GPBP1: variants seen among roughly 807,000 people sequenced by gnomAD.
The protein encoded by GPBP1 is vasculin.
GPBP1 carries 13 observed loss-of-function variants against 56.5 expected under a neutral mutation model. The ratio of observed to expected loss-of-function variants is 0.23; its 90% CI spans 0.15 to 0.37. The LOEUF (loss-of-function observed/expected upper bound fraction) is 0.37, where lower values mean the gene tolerates loss of function less well. Among genes scored for constraint, GPBP1 ranks in the 10% least tolerant of loss-of-function variants. GPBP1 has a pLI of 1.00. For missense variants in GPBP1, 477 were observed against 572.3 expected (o/e 0.83, Z 1.70); for synonymous variants, 204 against 188.9 (o/e 1.08, Z -0.66).
intron 10 of GPBP1, among the ~76,000 whole-genome samples, chr5:57,252,414 A>G (rs1263803345): frequency 6.6e-6 from 1 of 152,004 alleles, no homozygotes; most frequent in South Asian, 2.1e-4. Flanking sequence ...TTTTCGAGAC[A>G]GTGTCTCACT....
intron 6 of GPBP1, among the ~76,000 whole-genome samples, chr5:57,241,289 G>A (rs540438689): frequency 6.6e-6 from 1 of 152,348 alleles, no homozygotes; most frequent in South Asian, 2.1e-4. Context: ...ATATGTGGCA[G>A]TATTTTTGTT....
chr5:57,225,081 T>C (rs1434107604), intron 3 of GPBP1, among the ~76,000 whole-genome samples: 1 of 152,122 alleles, frequency 6.6e-6, no homozygotes, highest in Non-Finnish European at 1.5e-5. Context: ...AAGTCACAGC[T>C]CTTGTACTTT....
rs1741987297 is a variant in GPBP1, at chr5:57,263,296, A to G, written c.*544A>G. 1 of 152,316 alleles carries G rather than the reference A, an allele frequency of 6.6e-6. No individual in the cohort carries two copies. Among genetic ancestry groups the G allele is most frequent in the African/African-American group, 2.4e-5 (1 of 41,454 alleles). The allele number at this position is 152,316 out of a possible 1,614,324, so 9.4% of individuals were successfully genotyped here. On this transcript the variant is annotated 3_prime_UTR_variant, in exon 12 of 12. Transcript: ENST00000506184. ...AACTGGAGCAAAGTGCACTAAAACA[A>G]TTTCCTGAACTCACCTGTTGTACTA...
At chr5:57,228,516 T>C (rs949832976) in intron 3 of GPBP1, among the ~76,000 whole-genome samples, 1 of 151,934 alleles carries the variant, frequency 6.6e-6, no homozygotes, top group Non-Finnish European at 1.5e-5. Context: ...GGTGCATGCC[T>C]GTAGTCCCGG....
intron 6 of GPBP1, among the ~76,000 whole-genome samples, chr5:57,244,589 A>AT (rs1349343604): frequency 6.6e-6 from 1 of 152,046 alleles, no homozygotes; most frequent in Non-Finnish European, 1.5e-5. Flanking sequence ...ACATGCTAAG[A>AT]TTTTCTCTCA....
intron 2 of GPBP1, among the ~76,000 whole-genome samples, chr5:57,180,898 C>T (rs146196290): frequency 0.014 from 2,126 of 152,262 alleles, 116 homozygotes; most frequent in East Asian, 0.097. Flanking sequence ...CCCACCACCA[C>T]GCCCAGCTAA....
At chr5:57,243,901 C>G (rs1580067213) in intron 6 of GPBP1, among the ~76,000 whole-genome samples, 1 of 151,926 alleles carries the variant, frequency 6.6e-6, no homozygotes, top group Non-Finnish European at 1.5e-5. Context: ...ATTGCCCAGG[C>G]TGGTCTTGGA....
intron 3 of GPBP1, among the ~76,000 whole-genome samples, chr5:57,227,706 G>C (rs1756258540): frequency 6.6e-6 from 1 of 152,178 alleles, no homozygotes. Context: ...TACAGAACCA[G>C]TGCCAACATC....
intron 3 of GPBP1, among the ~76,000 whole-genome samples, chr5:57,229,989 C>T (rs953730326): frequency 3.4e-5 from 4 of 117,400 alleles, no homozygotes; most frequent in East Asian, 2.5e-4. Context: ...CATGCAATGG[C>T]GTGATCTCGG....
At chr5:57,210,350 C>G (rs1755421894) in intron 2 of GPBP1, among the ~76,000 whole-genome samples, 1 of 152,088 alleles carries the variant, frequency 6.6e-6, no homozygotes, top group Non-Finnish European at 1.5e-5. Context: ...GGTTTTCATA[C>G]TAGCAGTATT....
At chr5:57,228,521 T>G (rs1214777904) in intron 3 of GPBP1, among the ~76,000 whole-genome samples, 1 of 151,914 alleles carries the variant, frequency 6.6e-6, no homozygotes, top group Non-Finnish European at 1.5e-5. Context: ...ATGCCTGTAG[T>G]CCCGGCTGCT....
At chr5:57,219,395 A>C (rs1409262452) in intron 3 of GPBP1, among the ~76,000 whole-genome samples, 1,064 of 62,804 alleles carry the variant, frequency 0.017, 62 homozygotes, top group African/African-American at 0.069. Flanking sequence ...AAAAAAAAAA[A>C]AAAAAAAACC....
intron 5 of GPBP1, among the ~76,000 whole-genome samples, chr5:57,235,011 T>TAA (rs1299536340): frequency 6.6e-6 from 1 of 151,942 alleles, no homozygotes; most frequent in Non-Finnish European, 1.5e-5. Flanking sequence ...AAAAAAAAAT[T>TAA]AAAATTATTA....
At chr5:57,220,159 A>G (rs559007115) in intron 3 of GPBP1, among the ~76,000 whole-genome samples, 3 of 152,204 alleles carry the variant, frequency 2.0e-5, no homozygotes, top group African/African-American at 7.2e-5. Context: ...AATTTAAAAA[A>G]TTAAAAAAAA....
chr5:57,223,902 C>T lies in GPBP1; in HGVS notation c.64-6944C>T, dbSNP rs544796058. On this transcript the variant is annotated intron_variant, in intron 3 of 11. Transcript: ENST00000506184. Reference sequence around the variant, plus strand: ...AGGCCGGAGTGCAGCGATGCTATCTCGGCTCACTGCAAGCTCTGCCTCCTG... The same window carrying T: ...AGGCCGGAGTGCAGCGATGCTATCTTGGCTCACTGCAAGCTCTGCCTCCTG... Among the ~76,000 whole-genome samples, 35 of 151,770 alleles carry T rather than the reference C, an allele frequency of 2.3e-4. No individual in the cohort carries two copies. In the South Asian group the frequency reaches 3.7e-3, roughly 16 times the overall value.
intron 10 of GPBP1, among the ~76,000 whole-genome samples, chr5:57,252,832 C>T (rs1580080415): frequency 6.6e-6 from 1 of 151,848 alleles, no homozygotes; most frequent in East Asian, 1.9e-4. Flanking sequence ...GCTTCAGCCT[C>T]CTCAGTAGTT....
intron 3 of GPBP1, among the ~76,000 whole-genome samples, chr5:57,217,607 T>G (rs1167056862): frequency 1.3e-5 from 2 of 152,046 alleles, no homozygotes; most frequent in East Asian, 3.9e-4. Context: ...AAAACACAAC[T>G]ACAAGTGGTC....
rs1742019410 is a variant in GPBP1 at position 57,264,182 on chromosome 5, C to T, written c.*1430C>T. The stretch of plus-strand genomic sequence containing the variant: ...TTAAAAACAACACACTAGCACACTC[C>T]CACAAAACTTGAGGAAGAGTTAGAA... On this transcript the variant is annotated 3_prime_UTR_variant, in exon 12 of 12. Transcript: ENST00000506184. 1 of 151,790 alleles carries T rather than the reference C, an allele frequency of 6.6e-6. No homozygotes were observed. The highest frequency in any genetic ancestry group is 2.4e-5 in the African/African-American group (1 of 41,308). 9.4% of individuals were successfully genotyped at this position (151,790 alleles called of 1,614,324 possible).
intron 3 of GPBP1, among the ~76,000 whole-genome samples, chr5:57,217,327 C>T (rs1436800348): frequency 1.3e-5 from 2 of 152,130 alleles, no homozygotes; most frequent in East Asian, 1.9e-4. Context: ...AATCCCAGCA[C>T]TTTGGGAGGC....
Sources: allele counts gnomAD v4.1 joint callset (sites outside exome capture counted in the v4.1 genomes callset), GRCh38; gene constraint gnomAD v4.1.1; transcripts MANE v1.5; gene names NCBI Gene and HGNC (gene_info 2026-07-23, HGNC 2026-07-21).